The following EYS variants were observed in gnomAD, a reference collection of about 807,000 sequenced individuals.
The protein encoded by EYS is EGF-like photoreceptor maintenance factor, also known as protein eyes shut homolog.
In EYS, 250 loss-of-function variants were observed where a neutral mutation model predicts 282.1. The observed-to-expected ratio is 0.89, with a 90% CI of 0.80 to 0.98. The LOEUF (loss-of-function observed/expected upper bound fraction) is 0.98. EYS is among the 50% of genes least tolerant of loss of function. EYS has a pLI of 0.00. For synonymous variants in EYS, 1,355 were observed against 1,282.9 expected (o/e 1.06, Z -1.20); for missense variants, 4,016 against 3,709.0 (o/e 1.08, Z -2.15).
chr6:64,682,378 A>AAAC lies in EYS; in HGVS notation c.3444-56136_3444-56134dup, dbSNP rs202090764. On this transcript the variant is annotated intron_variant, in intron 22 of 42. Coordinates refer to ENST00000503581, the MANE Select transcript of EYS (RefSeq NM_001142800.2). ...GGGAGACTCCATCTCAAAACAACAA[A>AAAC]AACAACAACAACAACAACAAAAAGT... 2.8e-3 allele frequency among the ~76,000 whole-genome samples: 419 copies of AAAC among 152,020 alleles called. 2 individuals carry two copies. The highest frequency in any genetic ancestry group is 4.3e-3 in the Non-Finnish European group (289 of 67,952).
chr6:64,845,162 G>A (rs1765680721), intron 19 of EYS, among the ~76,000 whole-genome samples: 1 of 152,036 alleles, frequency 6.6e-6, no homozygotes, highest in African/African-American at 2.4e-5. Flanking sequence ...ATGGTGGTAT[G>A]CACCTGTGGT....
chr6:64,255,709 G>T (rs1287243891), intron 30 of EYS, among the ~76,000 whole-genome samples: 1 of 151,940 alleles, frequency 6.6e-6, no homozygotes, highest in Admixed American at 6.6e-5. Flanking sequence ...GTATATATGT[G>T]TAAGTGTGTG....
At chr6:64,326,862 A>C (rs565658109) in intron 29 of EYS, among the ~76,000 whole-genome samples, 1 of 152,212 alleles carries the variant, frequency 6.6e-6, no homozygotes, top group African/African-American at 2.4e-5. Flanking sequence ...TTTGGGCCCT[A>C]AGGCAAGACC....
chr6:64,858,912 T>G (rs1243891239), intron 19 of EYS, among the ~76,000 whole-genome samples: 1 of 152,112 alleles, frequency 6.6e-6, no homozygotes, highest in Non-Finnish European at 1.5e-5. Context: ...AAGCTTTTTC[T>G]CTAAGATCAA....
chr6:65,102,281 C>T (rs1461058475), intron 12 of EYS, among the ~76,000 whole-genome samples: 1 of 151,234 alleles, frequency 6.6e-6, no homozygotes, highest in Non-Finnish European at 1.5e-5. Context: ...AAATGACTTA[C>T]ATTAATATTA....
At chr6:65,018,097 C>T (rs1269856862) in intron 13 of EYS, among the ~76,000 whole-genome samples, 2 of 152,162 alleles carry the variant, frequency 1.3e-5, no homozygotes, top group Admixed American at 1.3e-4. Context: ...GTACTTGTGT[C>T]TATTTTTCTG....
intron 5 of EYS, among the ~76,000 whole-genome samples, chr6:65,484,226 G>A (rs1765708489): frequency 6.6e-6 from 1 of 151,980 alleles, no homozygotes; most frequent in African/African-American, 2.4e-5. Flanking sequence ...TGCTCATGGG[G>A]TAGAAGACAG....
intron 31 of EYS, among the ~76,000 whole-genome samples, chr6:64,163,050 A>G (rs1256770685): frequency 6.6e-6 from 1 of 152,128 alleles, no homozygotes; most frequent in Admixed American, 6.6e-5. Flanking sequence ...AAGGAGATCT[A>G]CTGTAACACA....
chr6:65,529,223 A>T (rs2127306424), intron 2 of EYS, among the ~76,000 whole-genome samples: 1 of 152,278 alleles, frequency 6.6e-6, no homozygotes, highest in South Asian at 2.1e-4. Context: ...ACACATTTTA[A>T]GCTTTACCTA....
At chr6:65,064,585 G>A (rs530976328) in intron 12 of EYS, among the ~76,000 whole-genome samples, 76 of 147,848 alleles carry the variant, frequency 5.1e-4, no homozygotes, top group Middle Eastern at 3.7e-3. Flanking sequence ...TACTATAAAA[G>A]TTATATACTA....
At chr6:64,048,045 G>A (rs9362416) in intron 33 of EYS, among the ~76,000 whole-genome samples, 49,853 of 151,874 alleles carry the variant, frequency 0.33, 8,530 homozygotes, top group African/African-American at 0.43. Context: ...AGCTGGGATT[G>A]CAGATGCATG....
chr6:63,953,004 T>C (rs1562113500), intron 35 of EYS, among the ~76,000 whole-genome samples: 1 of 152,226 alleles, frequency 6.6e-6, no homozygotes, highest in Non-Finnish European at 1.5e-5. Context: ...GTCTTACAGG[T>C]TAGTTCAGGA....
intron 5 of EYS, among the ~76,000 whole-genome samples, chr6:65,484,965 C>T (rs1365424279): frequency 6.6e-6 from 1 of 152,096 alleles, no homozygotes; most frequent in African/African-American, 2.4e-5. Flanking sequence ...TGATAGAGAC[C>T]ATATGGATCA....
intron 26 of EYS, among the ~76,000 whole-genome samples, chr6:64,463,995 T>G (rs9351266): frequency 0.3 from 45,053 of 152,038 alleles, 6,755 homozygotes; most frequent in East Asian, 0.5. Flanking sequence ...AACAAAAAGA[T>G]AAAATTACAG....
At chr6:65,458,756 ACTTAT>A (rs1292725634) in intron 5 of EYS, among the ~76,000 whole-genome samples, 1 of 152,156 alleles carries the variant, frequency 6.6e-6, no homozygotes, top group Non-Finnish European at 1.5e-5. Context: ...GCACATACAC[ACTTAT>A]CTTATAATTG....
chr6:65,663,826 G>A (rs1055267870), intron 1 of EYS, among the ~76,000 whole-genome samples: 14 of 148,660 alleles, frequency 9.4e-5, no homozygotes, highest in South Asian at 2.1e-4. Context: ...GACTACGGGC[G>A]CCCGCCACCA....
At chr6:65,113,434 G>A (rs1323744378) in intron 12 of EYS, among the ~76,000 whole-genome samples, 1 of 151,832 alleles carries the variant, frequency 6.6e-6, no homozygotes, top group East Asian at 1.9e-4. Context: ...AAAATACAGA[G>A]TTCAGTCACA....
rs895078848 is a variant in EYS at position 65,096,814 on chromosome 6, G to A, written c.2024-39087C>T. Among the ~76,000 whole-genome samples the A allele has an allele frequency of 2.7e-5, 4 of 150,864 alleles. 1 individual carries two copies. The highest frequency in any genetic ancestry group is 6.0e-5 in the Non-Finnish European group (4 of 67,164). ...ATTTACATGCAAAATAATGAAATTG[G>A]ACCCTTATCTTACACCCTACACCAA... On this transcript the variant is annotated intron_variant, in intron 12 of 42. Transcript: ENST00000503581.
chr6:65,186,315 G>A (rs1295056509), intron 12 of EYS, among the ~76,000 whole-genome samples: 4 of 151,698 alleles, frequency 2.6e-5, no homozygotes, highest in Non-Finnish European at 4.4e-5. Flanking sequence ...CGTTTCATAC[G>A]AAAAATCACA....
Sources: allele counts gnomAD v4.1 joint callset (sites outside exome capture counted in the v4.1 genomes callset), GRCh38; gene constraint gnomAD v4.1.1; transcripts MANE v1.5; gene names NCBI Gene and HGNC (gene_info 2026-07-23, HGNC 2026-07-21).